Variants in DCP1B observed in about 807,000 individuals in gnomAD.
DCP1B encodes mRNA-decapping enzyme 1B.
Under a neutral mutation model 60.5 loss-of-function variants are expected in DCP1B, and 47 were observed. That is an observed-to-expected ratio of 0.78 (90% CI 0.61 to 0.99). The LOEUF (loss-of-function observed/expected upper bound fraction) is 0.99. Among genes scored for constraint, DCP1B ranks in the 50% least tolerant of loss-of-function variants. DCP1B has a pLI of 0.00. For synonymous variants in DCP1B, 267 were observed against 280.3 expected (o/e 0.95, Z 0.47); for missense variants, 725 against 756.8 (o/e 0.96, Z 0.49).
chr12:2,002,307 C>T (rs896671775), intron 1 of DCP1B, among the ~76,000 whole-genome samples: 8 of 152,196 alleles, frequency 5.3e-5, no homozygotes, highest in African/African-American at 1.9e-4. Context: ...AGTGACAGCA[C>T]ATGGAGACAG....
chr12:1,954,780 C>T (rs1177836378), intron 6 of DCP1B, among the ~76,000 whole-genome samples: 1 of 152,106 alleles, frequency 6.6e-6, no homozygotes, highest in Non-Finnish European at 1.5e-5. Context: ...CTTGGGAAGC[C>T]ACCCACCCCA....
intron 3 of DCP1B, among the ~76,000 whole-genome samples, chr12:1,969,311 A>T (rs556567846): frequency 1.8e-4 from 28 of 152,350 alleles, no homozygotes; most frequent in African/African-American, 6.5e-4. Flanking sequence ...TGCTATTTTA[A>T]GCAGGTATCT....
chr12:1,950,817 A>C (rs2030640010), intron 7 of DCP1B, among the ~76,000 whole-genome samples: 3 of 152,110 alleles, frequency 2.0e-5, no homozygotes. Flanking sequence ...CGGCTAATTA[A>C]AAACAAAAAA....
At chr12:1,943,853 G>A (rs1282022608), downstream of DCP1B, among the ~76,000 whole-genome samples, 1 of 152,162 alleles carries the variant, frequency 6.6e-6, no homozygotes, top group Non-Finnish European at 1.5e-5. Context: ...GGCAAAAGTT[G>A]AAAGCATTCC....
intron 3 of DCP1B, among the ~76,000 whole-genome samples, chr12:1,984,250 T>G (rs181057385): frequency 5.2e-3 from 799 of 152,224 alleles, no homozygotes; most frequent in Non-Finnish European, 8.8e-3. Context: ...TGGTTGAACT[T>G]GGGTAGGTCT....
intron 3 of DCP1B, among the ~76,000 whole-genome samples, chr12:1,969,565 T>A (rs1356562013): frequency 6.6e-6 from 1 of 151,104 alleles, no homozygotes; most frequent in African/African-American, 2.4e-5. Flanking sequence ...TTTTTTTTTT[T>A]AAGAACGTCT....
chr12:2,002,511 T>C (rs1206561978), intron 1 of DCP1B, among the ~76,000 whole-genome samples: 1 of 152,208 alleles, frequency 6.6e-6, no homozygotes, highest in Non-Finnish European at 1.5e-5. Flanking sequence ...TTGTGACACA[T>C]CTGCTTTTTG....
At chr12:1,958,115 G>A (rs1000495292) in intron 5 of DCP1B, among the ~76,000 whole-genome samples, 1 of 146,754 alleles carries the variant, frequency 6.8e-6, no homozygotes, top group Non-Finnish European at 1.5e-5. Context: ...AAGGAAACAG[G>A]GGAAAAGCTC....
Position 1,952,927 on chromosome 12 carries a change from T to C in DCP1B, c.1013A>G (p.His338Arg). 3 of 1,614,218 alleles carry C rather than the reference T, an allele frequency of 1.9e-6. No homozygotes were observed. The highest frequency in any genetic ancestry group is 1.7e-5 in the Admixed American group (1 of 60,034). The change falls in exon 7 of 9, where the codon CAC becomes CGC. Residue 338 changes from histidine (H) to arginine (R), a missense_variant. His to Arg is a conservative substitution (Grantham distance 29). Transcript: ENST00000280665. The part of the protein sequence containing the change: ...FTGPVQPGSP[H>R]NIGTSRGVQN... Reference sequence around the variant, plus strand: ...TACACCACGAGAAGTTCCAATGTTGTGAGGAGACCCTGGCTGGACAGGTCC... The same window carrying C: ...TACACCACGAGAAGTTCCAATGTTGCGAGGAGACCCTGGCTGGACAGGTCC...
At chr12:1,991,555 T>A in intron 3 of DCP1B, 1 of 249,926 alleles carries the variant, frequency 4.0e-6, no homozygotes, top group Non-Finnish European at 7.8e-6. Flanking sequence ...TTTTCCTTTT[T>A]TTTTTGCACT....
At chr12:1,976,995 C>G (rs2034593425) in intron 3 of DCP1B, among the ~76,000 whole-genome samples, 1 of 152,080 alleles carries the variant, frequency 6.6e-6, no homozygotes. Context: ...TATCAATATG[C>G]CAATAAATAT....
chr12:1,989,650 C>T (rs2038836603), intron 3 of DCP1B, among the ~76,000 whole-genome samples: 1 of 151,646 alleles, frequency 6.6e-6, no homozygotes, highest in African/African-American at 2.4e-5. Context: ...GAGGTGGAGG[C>T]TGCAATAAGC....
chr12:1,958,851 C>T (rs540054320), intron 5 of DCP1B, among the ~76,000 whole-genome samples: 2 of 66,606 alleles, frequency 3.0e-5, no homozygotes, highest in African/African-American at 8.4e-5. Flanking sequence ...CCCAACGTCG[C>T]TTTGGGCAAT....
At chr12:1,966,383 C>G (rs1246984105) in intron 4 of DCP1B, among the ~76,000 whole-genome samples, 1 of 152,182 alleles carries the variant, frequency 6.6e-6, no homozygotes, top group African/African-American at 2.4e-5. Context: ...AAAGATAGAC[C>G]AGATTGCTCC....
At chr12:1,959,891 T>C (rs1280770489) in intron 5 of DCP1B, among the ~76,000 whole-genome samples, 1 of 149,896 alleles carries the variant, frequency 6.7e-6, no homozygotes, top group African/African-American at 2.5e-5. Context: ...ACCCAGGAGG[T>C]AGAGCTTGCC....
At chr12:1,991,484 C>A in intron 3 of DCP1B, 1 of 231,290 alleles carries the variant, frequency 4.3e-6, no homozygotes, top group South Asian at 5.1e-5. Context: ...TTATTTTGCC[C>A]AATTTATCCA....
chr12:1,976,843 G>C (rs139664946), intron 3 of DCP1B, among the ~76,000 whole-genome samples: 2 of 151,452 alleles, frequency 1.3e-5, no homozygotes, highest in Admixed American at 6.6e-5. Flanking sequence ...TTGAGGAAAG[G>C]GGGAGAGGGA....
chr12:1,972,013 T>C (rs939297541), intron 3 of DCP1B, among the ~76,000 whole-genome samples: 2 of 152,252 alleles, frequency 1.3e-5, no homozygotes, highest in Non-Finnish European at 2.9e-5. Context: ...AAAATTTAAA[T>C]AGGCAGGACA....
At chr12:1,963,404 TC>T (rs1032381557) in intron 5 of DCP1B, among the ~76,000 whole-genome samples, 1 of 152,234 alleles carries the variant, frequency 6.6e-6, no homozygotes, top group African/African-American at 2.4e-5. Flanking sequence ...TGAGATATAG[TC>T]CCTTTAGGGC....
Sources: allele counts gnomAD v4.1 joint callset (sites outside exome capture counted in the v4.1 genomes callset), GRCh38; gene constraint gnomAD v4.1.1; transcripts MANE v1.5; gene names NCBI Gene and HGNC (gene_info 2026-07-23, HGNC 2026-07-21).